TMEM156: variants seen among roughly 807,000 people sequenced by gnomAD.
TMEM156 encodes transmembrane protein 156.
Under a neutral mutation model 30.5 loss-of-function variants are expected in TMEM156, and 28 were observed. That is an observed-to-expected ratio of 0.92 (90% CI 0.68 to 1.26). The LOEUF is 1.26. Among genes scored for constraint, TMEM156 ranks in the 50% most tolerant of loss-of-function variants. The pLI, the probability that TMEM156 is intolerant of heterozygous loss-of-function variation, is 0.00. For missense variants in TMEM156, 351 were observed against 340.6 expected (o/e 1.03, Z -0.24); for synonymous variants, 137 against 119.9 (o/e 1.14, Z -0.93).
At position 38,994,522 on chromosome 4, in the gene TMEM156, C is replaced by T. The variant is rs190730942; in HGVS notation, c.359-524G>A. Among the ~76,000 whole-genome samples, 305 of 152,286 alleles carry T rather than the reference C, an allele frequency of 2.0e-3. 1 individual carries two copies. Among genetic ancestry groups the T allele is most frequent in the Non-Finnish European group, 3.2e-3 (215 of 68,032 alleles). On this transcript the variant is annotated intron_variant, in intron 2 of 6. Coordinates refer to ENST00000381938, the MANE Select transcript of TMEM156 (RefSeq NM_024943.3). The stretch of plus-strand genomic sequence containing the variant: ...ATTGGAGCATCTAAAAGAAAATACA[C>T]ACATTTCCCCAGTGACTTGTGGGAC...
intron 1 of TMEM156, among the ~76,000 whole-genome samples, chr4:39,031,925 A>G (rs554091382): frequency 2.7e-4 from 41 of 151,942 alleles, no homozygotes; most frequent in African/African-American, 8.9e-4. Context: ...ACTGCTTTGA[A>G]GAAAGTGTTT....
intron 5 of TMEM156, among the ~76,000 whole-genome samples, chr4:38,985,114 C>T (rs1711885798): frequency 2.0e-5 from 3 of 152,238 alleles, no homozygotes; most frequent in African/African-American, 7.2e-5. Context: ...TGTGTTAAAA[C>T]TGTCCTCATA....
chr4:39,008,026 A>G (rs1227542225), intron 1 of TMEM156, among the ~76,000 whole-genome samples: 1 of 152,090 alleles, frequency 6.6e-6, no homozygotes, highest in African/African-American at 2.4e-5. Flanking sequence ...TTTAATTTTT[A>G]TAGCTTTTGG....
intron 6 of TMEM156, among the ~76,000 whole-genome samples, chr4:38,969,749 C>A (rs1342914636): frequency 6.6e-6 from 1 of 152,076 alleles, no homozygotes; most frequent in Non-Finnish European, 1.5e-5. Flanking sequence ...CGTGTCACCA[C>A]GCCTGGCTAA....
intron 5 of TMEM156, among the ~76,000 whole-genome samples, chr4:38,971,822 T>G (rs1444568562): frequency 1.3e-5 from 2 of 151,992 alleles, no homozygotes; most frequent in Non-Finnish European, 2.9e-5. Context: ...AGAGTTTCGC[T>G]CTTGTTGCCC....
At chr4:39,012,830 T>C (rs911433744) in intron 1 of TMEM156, among the ~76,000 whole-genome samples, 2 of 151,962 alleles carry the variant, frequency 1.3e-5, no homozygotes, top group South Asian at 2.1e-4. Flanking sequence ...TCCCAGCTAC[T>C]TGGGAGGCTG....
chr4:39,004,705 A>T (rs1454246762), intron 1 of TMEM156, among the ~76,000 whole-genome samples: 2 of 152,150 alleles, frequency 1.3e-5, no homozygotes, highest in Admixed American at 6.5e-5. Context: ...CATTCTTCTG[A>T]CAGTGAACAT....
chr4:38,994,091 C>T (rs986176320), intron 2 of TMEM156, 93 bp from the exon 3 acceptor site: 47 of 1,154,450 alleles, frequency 4.1e-5, no homozygotes, highest in South Asian at 4.0e-4. Context: ...CCTTTCTATA[C>T]AAGAAAGTAG....
chr4:38,986,669 G>A (rs1425988399), intron 4 of TMEM156, among the ~76,000 whole-genome samples: 2 of 151,248 alleles, frequency 1.3e-5, no homozygotes, highest in Non-Finnish European at 3.0e-5. Flanking sequence ...TTAGCTGGGC[G>A]TGGTGGTGCA....
At chr4:39,000,908 T>C (rs532443491) in intron 1 of TMEM156, among the ~76,000 whole-genome samples, 3 of 152,114 alleles carry the variant, frequency 2.0e-5, no homozygotes, top group African/African-American at 4.8e-5. Context: ...TTTAATTAAA[T>C]TAAATGCAAA....
intron 6 of TMEM156, among the ~76,000 whole-genome samples, chr4:38,970,506 A>G (rs916368471): frequency 6.6e-6 from 1 of 152,096 alleles, no homozygotes; most frequent in Non-Finnish European, 1.5e-5. Context: ...TACCCCCTAC[A>G]ATGGCTATTC....
intron 1 of TMEM156, among the ~76,000 whole-genome samples, chr4:39,012,342 A>G (rs546626322): frequency 3.2e-4 from 48 of 152,270 alleles, no homozygotes; most frequent in Non-Finnish European, 5.7e-4. Context: ...TATAAAGTCT[A>G]TCTGTCTCAG....
chr4:38,971,136 T>C lies in TMEM156; in HGVS notation c.825A>G (p.Ala275=). 3 of 1,613,906 alleles carry C rather than the reference T, an allele frequency of 1.9e-6. No homozygotes were observed. The highest frequency in any genetic ancestry group is 1.7e-6 in the Non-Finnish European group (2 of 1,179,822). ...LRALNVQVLS[A]ETTQRLPLDQ... ...CCAAAGGCAGCCTCTGCGTGGTCTC[T>C]GCTATTTAAGAAGGAGAACTGTTTT... The change falls in exon 6 of 7, where the codon GCA becomes GCG. Residue 275 remains alanine (A), a splice_region_variant and synonymous_variant. Transcript: ENST00000381938.
At chr4:38,995,487 C>T (rs1316542825) in intron 2 of TMEM156, among the ~76,000 whole-genome samples, 3 of 152,142 alleles carry the variant, frequency 2.0e-5, no homozygotes, top group Non-Finnish European at 4.4e-5. Flanking sequence ...GAGGCCAAGG[C>T]GGGTGGATCA....
chr4:38,973,526 A>G (rs190879776), intron 5 of TMEM156, among the ~76,000 whole-genome samples: 1 of 152,078 alleles, frequency 6.6e-6, no homozygotes, highest in African/African-American at 2.4e-5. Context: ...GATCCCATTA[A>G]TTTTTTAAAT....
chr4:39,024,571 A>G (rs1328643130), intron 1 of TMEM156, among the ~76,000 whole-genome samples: 1 of 152,226 alleles, frequency 6.6e-6, no homozygotes, highest in Non-Finnish European at 1.5e-5. Context: ...AAAATAACAC[A>G]GGAACAGAAA....
At chr4:39,022,413 G>A (rs1714929548) in intron 1 of TMEM156, among the ~76,000 whole-genome samples, 1 of 152,140 alleles carries the variant, frequency 6.6e-6, no homozygotes, top group African/African-American at 2.4e-5. Context: ...CAGTGAAACT[G>A]AAATTCCAGG....
At chr4:38,998,267 A>C (rs73236695) in intron 2 of TMEM156, among the ~76,000 whole-genome samples, 1 of 152,054 alleles carries the variant, frequency 6.6e-6, no homozygotes, top group Non-Finnish European at 1.5e-5. Context: ...TATATTGGCC[A>C]GGCGCTGTGG....
intron 2 of TMEM156, among the ~76,000 whole-genome samples, chr4:38,995,007 G>C (rs146110859): frequency 3.0e-4 from 46 of 152,218 alleles, no homozygotes; most frequent in African/African-American, 1.1e-3. Flanking sequence ...TCAAGGTGTT[G>C]GCACGGTTGA....
Sources: gnomAD v4.1 joint callset for allele counts (sites outside exome capture counted in the v4.1 genomes callset) on GRCh38, gnomAD v4.1.1 for gene constraint, MANE v1.5 for transcripts, NCBI Gene and HGNC (gene_info 2026-07-23, HGNC 2026-07-21) for gene names.